The following CFAP161 variants were observed in gnomAD, a reference collection of about 807,000 sequenced individuals.
CFAP161 encodes the protein cilia and flagella associated protein 161.
CFAP161 carries 25 observed loss-of-function variants against 29.0 expected under a neutral mutation model. That is an observed-to-expected ratio of 0.86 (90% CI 0.63 to 1.20). CFAP161 has a LOEUF of 1.20. Among genes scored for constraint, CFAP161 ranks in the 50% most tolerant of loss-of-function variants. The probability of loss-of-function intolerance (pLI) is 0.00; values close to 1 mark genes in which losing one functional copy is unlikely to be tolerated. For missense variants in CFAP161, 367 were observed against 371.9 expected, an observed-to-expected ratio of 0.99 and a Z score of 0.11; for synonymous variants, 116 against 137.4, an observed-to-expected ratio of 0.84 and a Z score of 1.09.
intron 1 of CFAP161, among the ~76,000 whole-genome samples, 198 bp downstream of exon 1, chr15:81,134,596 A>C (rs896335315): frequency 6.6e-6 from 1 of 151,984 alleles, no homozygotes; most frequent in African/African-American, 2.4e-5. Flanking sequence ...ACTGACCTCT[A>C]CTCCGAGCAC....
In CFAP161 at chr15:81,111,183, T is replaced by G. The variant is rs184563138; in HGVS notation, c.-141-16407T>G. Reference sequence around the variant, plus strand: ...CCTTCGGCAACACACCTTACACATGTAACTACTTGTTCAGAACAGTCTTCT... The same window carrying G: ...CCTTCGGCAACACACCTTACACATGGAACTACTTGTTCAGAACAGTCTTCT... On this transcript the variant is annotated intron_variant, in intron 1 of 4. Coordinates refer to the CFAP161 transcript ENST00000560091. Among the ~76,000 whole-genome samples the G allele has an allele frequency of 9.2e-5, 14 of 152,318 alleles. No individual in the cohort carries two copies. The East Asian group carries it at 2.5e-3, about 27-fold the overall frequency.
chr15:81,129,148 T>A (rs1467613227), intron 2 of CFAP161, among the ~76,000 whole-genome samples: 1 of 152,132 alleles, frequency 6.6e-6, no homozygotes, highest in Non-Finnish European at 1.5e-5. Context: ...AGAAATCTTT[T>A]TTTTTTTCTA....
chr15:81,117,695 C>T, intron 1 of CFAP161: 1 of 291,544 alleles, frequency 3.4e-6, no homozygotes, highest in South Asian at 3.9e-5. Context: ...CGCTTTCTTC[C>T]TCCTCTTCAT....
chr15:81,119,537 T>C (rs961263002), intron 1 of CFAP161, among the ~76,000 whole-genome samples: 2 of 152,178 alleles, frequency 1.3e-5, no homozygotes, highest in Non-Finnish European at 2.9e-5. Flanking sequence ...ATACCCATAA[T>C]TGTAACTGAA....
intron 1 of CFAP161, among the ~76,000 whole-genome samples, chr15:81,111,143 C>A (rs1894435075): frequency 6.6e-6 from 1 of 152,272 alleles, no homozygotes; most frequent in Non-Finnish European, 1.5e-5. Flanking sequence ...TCAGAGAAAT[C>A]CTCCCTGTAC....
At chr15:81,114,865 A>T (rs1017276406) in intron 1 of CFAP161, among the ~76,000 whole-genome samples, 26 of 152,074 alleles carry the variant, frequency 1.7e-4, no homozygotes, top group Non-Finnish European at 3.8e-4. Context: ...GGGTTTCACC[A>T]TGTTGGTCAG....
intron 1 of CFAP161, among the ~76,000 whole-genome samples, chr15:81,100,686 C>G (rs535045596): frequency 7.5e-6 from 1 of 132,880 alleles, no homozygotes; most frequent in East Asian, 2.1e-4. Context: ...CAGGTATTTC[C>G]TTTTCCTCTC....
At chr15:81,119,537 T>A (rs961263002) in intron 1 of CFAP161, among the ~76,000 whole-genome samples, 1 of 152,178 alleles carries the variant, frequency 6.6e-6, no homozygotes, top group Non-Finnish European at 1.5e-5. Flanking sequence ...ATACCCATAA[T>A]TGTAACTGAA....
intron 5 of CFAP161, among the ~76,000 whole-genome samples, chr15:81,147,471 TCATAA>T (rs2141887766): frequency 6.6e-6 from 1 of 152,258 alleles, no homozygotes; most frequent in South Asian, 2.1e-4. Context: ...GATTTATACA[TCATAA>T]ATGTACTTAC....
At chr15:81,108,699 C>T (rs943087535) in intron 1 of CFAP161, among the ~76,000 whole-genome samples, 1 of 152,104 alleles carries the variant, frequency 6.6e-6, no homozygotes, top group African/African-American at 2.4e-5. Context: ...ATCTGTGAGG[C>T]AACTTCAAAA....
At chr15:81,143,867 A>T in intron 5 of CFAP161, 47 bp downstream of exon 5, 1 of 1,579,530 alleles carries the variant, frequency 6.3e-7, no homozygotes, top group Non-Finnish European at 8.6e-7. Flanking sequence ...TATGAAATGG[A>T]TGCAATTTAT....
chr15:81,142,888 G>A (rs1421433906), intron 4 of CFAP161, among the ~76,000 whole-genome samples: 1 of 152,172 alleles, frequency 6.6e-6, no homozygotes, highest in Admixed American at 6.5e-5. Context: ...TTTCCAGCAT[G>A]GACATCAATT....
At chr15:81,132,270 C>G (rs1894721983), upstream of CFAP161, among the ~76,000 whole-genome samples, 1 of 152,062 alleles carries the variant, frequency 6.6e-6, no homozygotes, top group South Asian at 2.1e-4. Flanking sequence ...GAGTGAGACT[C>G]TGTCTTGGAA....
intron 1 of CFAP161, among the ~76,000 whole-genome samples, chr15:81,113,209 C>T (rs1894459280): frequency 1.3e-5 from 2 of 152,166 alleles, no homozygotes; most frequent in Non-Finnish European, 2.9e-5. Flanking sequence ...TCAAGGGACT[C>T]TGCTCATGCC....
chr15:81,131,235 C>G (rs923965176), upstream of CFAP161, among the ~76,000 whole-genome samples: 1 of 147,760 alleles, frequency 6.8e-6, no homozygotes, highest in Non-Finnish European at 1.5e-5. Flanking sequence ...TAGTTTTCAA[C>G]AAAAAATCAT....
chr15:81,125,804 A>G (rs112180177), intron 1 of CFAP161, among the ~76,000 whole-genome samples: 3,005 of 152,292 alleles, frequency 0.02, 63 homozygotes, highest in South Asian at 0.04. Context: ...AAAATCATAT[A>G]GCTTTCATTT....
rs575957593 is a variant in CFAP161 at position 81,147,761 on chromosome 15, G to A, written c.637-97G>A. Reference sequence around the variant, plus strand: ...TCTACTAAATTGAAATAAATGTATAGTATAATCCCAAATTTTTGCTTTTAG... The same window carrying A: ...TCTACTAAATTGAAATAAATGTATAATATAATCCCAAATTTTTGCTTTTAG... On this transcript the variant is annotated intron_variant, in intron 5 of 6. Coordinates refer to ENST00000286732, the MANE Select transcript of CFAP161 (RefSeq NM_173528.4). 71 of 699,256 alleles carry A rather than the reference G, an allele frequency of 1.0e-4. No individual in the cohort carries two copies. In the African/African-American group the frequency reaches 1.2e-3, roughly 12 times the overall value. 43.3% of individuals were successfully genotyped at this position (699,256 alleles called of 1,614,324 possible).
chr15:81,129,501 T>C (rs1260021290), upstream of CFAP161, among the ~76,000 whole-genome samples: 1 of 152,140 alleles, frequency 6.6e-6, no homozygotes, highest in Non-Finnish European at 1.5e-5. Context: ...TCAGATCTCA[T>C]GAGACTTATT....
At chr15:81,137,641 A>C (rs1894835171) in intron 3 of CFAP161, among the ~76,000 whole-genome samples, 2 of 152,254 alleles carry the variant, frequency 1.3e-5, no homozygotes, top group African/African-American at 4.8e-5. Context: ...ACATATGTTA[A>C]GACAAGTAAA....
Sources: gnomAD v4.1 joint callset for allele counts (sites outside exome capture counted in the v4.1 genomes callset) on GRCh38, gnomAD v4.1.1 for gene constraint, MANE v1.5 for transcripts, NCBI Gene and HGNC (gene_info 2026-07-23, HGNC 2026-07-21) for gene names.